INTS9: variants seen among roughly 807,000 people sequenced by gnomAD.
The protein encoded by INTS9 is integrator complex subunit 9.
INTS9 carries 55 observed loss-of-function variants against 79.7 expected under a neutral mutation model. The ratio of observed to expected loss-of-function variants is 0.69; its 90% CI spans 0.56 to 0.86. The LOEUF (loss-of-function observed/expected upper bound fraction) is 0.86. INTS9 is among the 40% of genes least tolerant of loss of function. The pLI, the probability that INTS9 is intolerant of heterozygous loss-of-function variation, is 0.00. For synonymous variants in INTS9, 319 were observed against 325.2 expected (o/e 0.98, Z 0.20); for missense variants, 721 against 831.5 (o/e 0.87, Z 1.64).
Position 28,859,507 on chromosome 8 carries a change from G to T in INTS9, c.66C>A (p.Thr22=). The change falls in exon 2 of 17, where the codon ACC becomes ACA. Residue 22 remains threonine (T), a synonymous_variant. Transcript: ENST00000521022. ...LPCNVLKFKS[T]TIMLDCGLDM... ...CCAGTCCGCAGTCCAACATAATGGT[G>T]GTTGATTTGAATTTGAGCACATTGC... 6.2e-7 allele frequency: 1 copy of T among 1,614,118 alleles called. No homozygotes were observed. The highest frequency in any genetic ancestry group is 8.5e-7 in the Non-Finnish European group (1 of 1,179,960).
At chr8:28,881,884 C>G (rs1809852933) in intron 1 of INTS9, among the ~76,000 whole-genome samples, 5 of 146,164 alleles carry the variant, frequency 3.4e-5, no homozygotes, top group Admixed American at 3.4e-4. Context: ...GTGAGGGGCG[C>G]TTCTGCCCGG....
At chr8:28,772,952 C>T (rs1392494667) in intron 14 of INTS9, among the ~76,000 whole-genome samples, 1 of 152,186 alleles carries the variant, frequency 6.6e-6, no homozygotes, top group Middle Eastern at 3.2e-3. Flanking sequence ...GAGCTGTCTC[C>T]AGCTCTGCTG....
At chr8:28,879,876 G>A (rs977423248) in intron 1 of INTS9, among the ~76,000 whole-genome samples, 7 of 152,098 alleles carry the variant, frequency 4.6e-5, no homozygotes, top group Non-Finnish European at 8.8e-5. Flanking sequence ...CAAATCTACC[G>A]AGACTCGTGG....
At chr8:28,854,495 C>T (rs1808035557) in intron 2 of INTS9, among the ~76,000 whole-genome samples, 1 of 152,066 alleles carries the variant, frequency 6.6e-6, no homozygotes, top group Non-Finnish European at 1.5e-5. Context: ...TAGAGGAGAT[C>T]TTTCAAGAAG....
In INTS9 at chr8:28,840,992, A is replaced by ATG. The variant is rs1268178245; in HGVS notation, c.262-3217_262-3216insCA. 5.5e-3 allele frequency among the ~76,000 whole-genome samples: 840 copies of ATG among 152,186 alleles called. 9 individuals are homozygous for ATG. Among genetic ancestry groups the ATG allele is most frequent in the African/African-American group, 0.019 (804 of 41,506 alleles). ...AAAAGAAAGAAAGATGATGTGACAT[A>ATG]AGCAGATGAAGAGAGGGAGGGTGCC... On this transcript the variant is annotated intron_variant, in intron 4 of 16. Coordinates refer to ENST00000521022, the MANE Select transcript of INTS9 (RefSeq NM_018250.4).
intron 2 of INTS9, among the ~76,000 whole-genome samples, chr8:28,857,814 A>T (rs1332443314): frequency 6.6e-6 from 1 of 152,214 alleles, no homozygotes; most frequent in Non-Finnish European, 1.5e-5. Context: ...ATAAATATGT[A>T]CTTATAATGT....
At chr8:28,774,424 G>A (rs1474856289) in intron 14 of INTS9, among the ~76,000 whole-genome samples, 1 of 152,200 alleles carries the variant, frequency 6.6e-6, no homozygotes, top group African/African-American at 2.4e-5. Flanking sequence ...AAGGATGTCT[G>A]AGACCAAAAG....
chr8:28,882,196 A>C (rs1809887060), intron 1 of INTS9, among the ~76,000 whole-genome samples: 1 of 140,290 alleles, frequency 7.1e-6, no homozygotes, highest in Non-Finnish European at 1.6e-5. Flanking sequence ...GTGTCCACTC[A>C]GGGTTAAATG....
chr8:28,867,187 C>CCAAG (rs1808802175), intron 1 of INTS9, among the ~76,000 whole-genome samples: 1 of 152,084 alleles, frequency 6.6e-6, no homozygotes, highest in South Asian at 2.1e-4. Flanking sequence ...CTTTGGGAGG[C>CCAAG]CAAGGCGGGT....
intron 1 of INTS9, among the ~76,000 whole-genome samples, chr8:28,888,047 A>G (rs1810257248): frequency 6.6e-6 from 1 of 152,176 alleles, no homozygotes; most frequent in Non-Finnish European, 1.5e-5. Flanking sequence ...TTTGCTCTTT[A>G]TTGAGAACAC....
At chr8:28,846,869 GAAAT>G in intron 3 of INTS9, 60 bp from the exon 4 acceptor site, 1 of 1,268,466 alleles carries the variant, frequency 7.9e-7, no homozygotes, top group Non-Finnish European at 1.2e-6. Flanking sequence ...CAGGACCAAA[GAAAT>G]AAACTCCCCA....
At position 28,807,561 on chromosome 8, in the gene INTS9, T is replaced by C. The variant is rs117247175; in HGVS notation, c.744+4766A>G. Among the ~76,000 whole-genome samples, 435 of 152,306 alleles carry C rather than the reference T, an allele frequency of 2.9e-3. 1 individual carries two copies. Among genetic ancestry groups the C allele is most frequent in the Non-Finnish European group, 4.4e-3 (299 of 68,024 alleles). On this transcript the variant is annotated intron_variant, in intron 8 of 16. Transcript: ENST00000521022. ...TCAAGCAAGATTTATCCCAGGAATATTGGATGGTTAAATGTGAGAAAAGCT... is the reference window on the plus strand; with the variant it reads ...TCAAGCAAGATTTATCCCAGGAATACTGGATGGTTAAATGTGAGAAAAGCT...
At chr8:28,836,956 C>A (rs1806840077) in intron 5 of INTS9, among the ~76,000 whole-genome samples, 1 of 151,846 alleles carries the variant, frequency 6.6e-6, no homozygotes, top group African/African-American at 2.4e-5. Context: ...TAATTTATTT[C>A]AAAAAAAATA....
At chr8:28,876,094 A>C (rs1809370909) in intron 1 of INTS9, among the ~76,000 whole-genome samples, 1 of 152,044 alleles carries the variant, frequency 6.6e-6, no homozygotes, top group Non-Finnish European at 1.5e-5. Flanking sequence ...GTGGGTGGCC[A>C]TTACGTTTAT....
At chr8:28,875,010 A>G (rs1809301418) in intron 1 of INTS9, among the ~76,000 whole-genome samples, 1 of 152,162 alleles carries the variant, frequency 6.6e-6, no homozygotes, top group Admixed American at 6.5e-5. Context: ...GCAAAGAGAG[A>G]GCTTGTGCAG....
At chr8:28,795,102 T>C (rs1442768780) in intron 9 of INTS9, among the ~76,000 whole-genome samples, 3 of 152,258 alleles carry the variant, frequency 2.0e-5, no homozygotes, top group Non-Finnish European at 4.4e-5. Flanking sequence ...CGTGTAAATA[T>C]AAGATGACCA....
intron 16 of INTS9, among the ~76,000 whole-genome samples, chr8:28,768,865 G>C (rs765137746): frequency 6.6e-6 from 1 of 152,252 alleles, no homozygotes; most frequent in Non-Finnish European, 1.5e-5. Flanking sequence ...GAAGGGCCTC[G>C]GTGTGGGGAG....
chr8:28,882,532 T>TAAAAAAAA (rs369293166), intron 1 of INTS9, among the ~76,000 whole-genome samples: 10 of 63,290 alleles, frequency 1.6e-4, no homozygotes, highest in Non-Finnish European at 2.1e-4. Flanking sequence ...TATTAACAGC[T>TAAAAAAAA]AAAAAAAAAA....
intron 6 of INTS9, among the ~76,000 whole-genome samples, chr8:28,816,503 A>AGG (rs1233351545): frequency 1.3e-5 from 2 of 150,502 alleles, no homozygotes; most frequent in East Asian, 3.9e-4. Context: ...TTATGGCTGC[A>AGG]TAGTATTCCA....
Sources: allele counts gnomAD v4.1 joint callset (sites outside exome capture counted in the v4.1 genomes callset), GRCh38; gene constraint gnomAD v4.1.1; transcripts MANE v1.5; gene names NCBI Gene and HGNC (gene_info 2026-07-23, HGNC 2026-07-21).